The following EMB variants were observed in gnomAD, a reference collection of about 807,000 sequenced individuals.
EMB encodes the protein embigin.
EMB carries 31 observed loss-of-function variants against 41.4 expected under a neutral mutation model. The observed-to-expected ratio is 0.75, with a 90% CI of 0.56 to 1.01. The LOEUF (loss-of-function observed/expected upper bound fraction) is 1.01, where lower values mean the gene tolerates loss of function less well. Ranked by LOEUF, EMB falls within the 50% of genes least tolerant of loss-of-function variation. The pLI, the probability that EMB is intolerant of heterozygous loss-of-function variation, is 0.00. For synonymous variants in EMB, 137 were observed against 140.4 expected (o/e 0.98, Z 0.17); for missense variants, 379 against 388.3 (o/e 0.98, Z 0.20).
intron 8 of EMB, 57 bp from the exon 9 acceptor site, chr5:50,399,347 A>G: frequency 6.3e-7 from 1 of 1,596,988 alleles, no homozygotes; most frequent in Non-Finnish European, 8.5e-7. Context: ...ATTTTATAGT[A>G]ACTTACTATC....
intron 7 of EMB, among the ~76,000 whole-genome samples, chr5:50,401,783 T>C (rs1023011365): frequency 6.6e-6 from 1 of 151,976 alleles, no homozygotes; most frequent in Non-Finnish European, 1.5e-5. Context: ...CATTTGTAGA[T>C]GTTTTCAAGA....
chr5:50,442,512 T>G (rs111327713), upstream of EMB, among the ~76,000 whole-genome samples: 1 of 102,904 alleles, frequency 9.7e-6, no homozygotes, highest in Non-Finnish European at 1.8e-5. Context: ...CATGCACACA[T>G]GTACACACAC....
At chr5:50,399,599 C>T (rs760781349) in intron 8 of EMB, among the ~76,000 whole-genome samples, 2 of 151,736 alleles carry the variant, frequency 1.3e-5, no homozygotes, top group African/African-American at 2.4e-5. Flanking sequence ...GAAACTAGTC[C>T]GTGGTGATAA....
At position 50,397,901 on chromosome 5, in the gene EMB, A is replaced by C. The variant is rs1300902908; in HGVS notation, c.*1372T>G. On this transcript the variant is annotated 3_prime_UTR_variant, in exon 9 of 9. Transcript: ENST00000303221. The stretch of plus-strand genomic sequence containing the variant: ...TCCAAGTCACTACCTTATGTGTATT[A>C]TTCATACTAGTAATATTGGTAAACA... The C allele has an allele frequency of 6.6e-6, 1 of 152,052 alleles. No individual in the cohort carries two copies. The highest frequency in any genetic ancestry group is 2.4e-5 in the African/African-American group (1 of 41,428). The allele number at this position is 152,052 out of a possible 1,614,324, so 9.4% of individuals were successfully genotyped here. A position where few individuals can be genotyped will look rare whatever the true frequency, so the allele number is the denominator to read the frequency against.
intron 4 of EMB, among the ~76,000 whole-genome samples, chr5:50,409,655 G>A (rs1745303115): frequency 6.6e-6 from 1 of 151,714 alleles, no homozygotes; most frequent in Non-Finnish European, 1.5e-5. Context: ...ACAGAAAAAG[G>A]GAAAGGAAAA....
chr5:50,400,883 T>C (rs766521053), intron 7 of EMB, among the ~76,000 whole-genome samples: 9 of 151,922 alleles, frequency 5.9e-5, no homozygotes, highest in Non-Finnish European at 1.2e-4. Context: ...CCTTTCAGAG[T>C]GTGTTTTAAA....
intron 8 of EMB, 49 bp downstream of exon 8, chr5:50,399,810 T>A (rs778670385): frequency 7.1e-7 from 1 of 1,414,230 alleles, no homozygotes; most frequent in Non-Finnish European, 9.9e-7. Context: ...ATAGCCTATG[T>A]ATATTGAATT....
chr5:50,401,747 A>AT (rs1745165797), intron 7 of EMB, among the ~76,000 whole-genome samples: 1 of 151,926 alleles, frequency 6.6e-6, no homozygotes, highest in Non-Finnish European at 1.5e-5. Flanking sequence ...TAGGCCAGTG[A>AT]TTTTCAACAG....
Position 50,441,181 on chromosome 5 carries a change from G to A in EMB, c.-30C>T. Reference sequence around the variant, plus strand: ...CCAGAGGGTCCGCCTGGGTCCTCGTGGAGACTGCTCCCTCAGCTCGCCGCC... The same window carrying A: ...CCAGAGGGTCCGCCTGGGTCCTCGTAGAGACTGCTCCCTCAGCTCGCCGCC... On this transcript the variant is annotated 5_prime_UTR_variant, in exon 1 of 9. Coordinates refer to ENST00000303221, the MANE Select transcript of EMB (RefSeq NM_198449.3). 7.4e-7 allele frequency: 1 copy of A among 1,346,244 alleles called. No individual in the cohort carries two copies. The highest frequency in any genetic ancestry group is 9.7e-7 in the Non-Finnish European group (1 of 1,027,058). 83.4% of individuals were successfully genotyped at this position (1,346,244 alleles called of 1,614,324 possible).
intron 2 of EMB, among the ~76,000 whole-genome samples, chr5:50,419,532 T>TACACACAC (rs1442610577): frequency 1.4e-5 from 2 of 139,170 alleles, no homozygotes; most frequent in Non-Finnish European, 3.1e-5. Flanking sequence ...GAACCCCCAC[T>TACACACAC]ACATACACAC....
intron 2 of EMB, among the ~76,000 whole-genome samples, chr5:50,420,653 A>G (rs1745504763): frequency 6.6e-6 from 1 of 152,204 alleles, no homozygotes; most frequent in Non-Finnish European, 1.5e-5. Flanking sequence ...ACTGAAACAT[A>G]CACTGTATGA....
At chr5:50,430,683 ATAGTTACAGT>A (rs2111854216) in intron 1 of EMB, among the ~76,000 whole-genome samples, 2 of 152,308 alleles carry the variant, frequency 1.3e-5, no homozygotes, top group East Asian at 3.9e-4. Context: ...AACTGTATAT[ATAGTTACAGT>A]TATAGTCAGT....
chr5:50,416,133 C>T (rs1393470108), intron 2 of EMB, among the ~76,000 whole-genome samples: 1 of 152,152 alleles, frequency 6.6e-6, no homozygotes, highest in Non-Finnish European at 1.5e-5. Context: ...AAAAGCTCTA[C>T]CTTTTTACAT....
intron 5 of EMB, among the ~76,000 whole-genome samples, chr5:50,404,561 G>A (rs564525940): frequency 6.6e-5 from 10 of 152,046 alleles, no homozygotes; most frequent in South Asian, 4.1e-4. Context: ...GCACTGGTAC[G>A]TCTAAAACGA....
At position 50,398,997 on chromosome 5, in the gene EMB, GT is replaced by G; in HGVS notation, c.*275del. ...GTATTAAGTGATTCTGCTGATATCT[GT>G]TCTGTGTGTCCTTTGAAGACCAGAA... On this transcript the variant is annotated 3_prime_UTR_variant, in exon 9 of 9. Transcript: ENST00000303221. 2 of 273,992 alleles carry G rather than the reference GT, an allele frequency of 7.3e-6. No homozygotes were observed. The highest frequency in any genetic ancestry group is 1.4e-5 in the Non-Finnish European group (2 of 143,982). 17.0% of individuals were successfully genotyped at this position (273,992 alleles called of 1,614,324 possible).
At chr5:50,433,042 C>A (rs1005870927) in intron 1 of EMB, among the ~76,000 whole-genome samples, 1 of 151,918 alleles carries the variant, frequency 6.6e-6, no homozygotes, top group Non-Finnish European at 1.5e-5. Context: ...CGCATCACTG[C>A]ACTCCAGCCT....
intron 4 of EMB, among the ~76,000 whole-genome samples, chr5:50,407,764 T>C (rs1745271422): frequency 6.6e-6 from 1 of 151,940 alleles, no homozygotes; most frequent in South Asian, 2.1e-4. Flanking sequence ...CTTTTAAGAC[T>C]TTGCATAAAG....
intron 1 of EMB, among the ~76,000 whole-genome samples, chr5:50,436,620 G>A (rs1350127563): frequency 6.6e-6 from 1 of 152,186 alleles, no homozygotes; most frequent in Admixed American, 6.5e-5. Flanking sequence ...TCAACTCTGG[G>A]ATCCTGTGTC....
At chr5:50,433,032 CG>C (rs1478360501) in intron 1 of EMB, among the ~76,000 whole-genome samples, 1 of 151,746 alleles carries the variant, frequency 6.6e-6, no homozygotes, top group African/African-American at 2.4e-5. Context: ...GAGCTGAGAT[CG>C]CATCACTGCA....
Sources: allele counts gnomAD v4.1 joint callset (sites outside exome capture counted in the v4.1 genomes callset), GRCh38; gene constraint gnomAD v4.1.1; transcripts MANE v1.5; gene names NCBI Gene and HGNC (gene_info 2026-07-23, HGNC 2026-07-21).